The following NF2 variants were observed in gnomAD, a reference collection of about 807,000 sequenced individuals.
The protein encoded by NF2 is merlin.
In NF2, 8 loss-of-function variants were observed where a neutral mutation model predicts 83.7. The ratio of observed to expected loss-of-function variants is 0.10; its 90% confidence interval spans 0.06 to 0.17. NF2 has a LOEUF of 0.17. Among genes scored for constraint, NF2 ranks in the 10% least tolerant of loss-of-function variants. The pLI, the probability that NF2 is intolerant of heterozygous loss-of-function variation, is 1.00. For synonymous variants in NF2, 266 were observed against 269.6 expected (o/e 0.99, Z 0.13); for missense variants, 533 against 744.4 (o/e 0.72, Z 3.31).
chr22:29,654,872 C>A, intron 5 of NF2, 147 bp downstream of exon 5: 1 of 721,920 alleles, frequency 1.4e-6, no homozygotes, highest in South Asian at 1.6e-5. Context: ...AGTGTGGGAT[C>A]TCTGTTAAGA....
rs1060503671 is a variant in NF2 at position 29,604,118 on chromosome 22, C to A, written c.114+6C>A. On this transcript the variant is annotated splice_donor_region_variant and intron_variant, in intron 1 of 15. Transcript: ENST00000338641. ...AGATGGAGTTCAATTGCGAGGTAAC[C>A]GGCCGGCAGCCCCGACTGCTGCGGT... 2 of 1,591,822 alleles carry A rather than the reference C, an allele frequency of 1.3e-6. No homozygotes were observed. The highest frequency in any genetic ancestry group is 8.6e-7 in the Non-Finnish European group (1 of 1,168,290).
intron 1 of NF2, among the ~76,000 whole-genome samples, chr22:29,627,871 G>T (rs1180723248): frequency 6.6e-6 from 1 of 152,064 alleles, no homozygotes; most frequent in East Asian, 1.9e-4. Context: ...AGATTTCCTT[G>T]CCAAGGTATT....
At position 29,697,558 on chromosome 22, in the gene NF2, A is replaced by G. The variant is rs969275660; in HGVS notation, c.*2756A>G. 1 of 176,076 alleles carries G rather than the reference A, an allele frequency of 5.7e-6. No homozygotes were observed. The allele number at this position is 176,076 out of a possible 1,614,324, so 10.9% of individuals were successfully genotyped here. A position where few individuals can be genotyped will look rare whatever the true frequency, so the allele number is the denominator to read the frequency against. ...CAGACTGGTTCCTGTGGCTGGGATG[A>G]CTGCATCCTTTTTTTTTTTTTTTTG... On this transcript the variant is annotated 3_prime_UTR_variant, in exon 16 of 16. Coordinates refer to ENST00000338641, the MANE Select transcript of NF2 (RefSeq NM_000268.4).
At position 29,603,917 on chromosome 22, in the gene NF2, C is replaced by A; in HGVS notation, c.-82C>A. 6 of 1,098,890 alleles carry A rather than the reference C, an allele frequency of 5.5e-6. No individual in the cohort carries two copies. The highest frequency in any genetic ancestry group is 8.0e-6 in the Non-Finnish European group (6 of 750,744). 68.1% of individuals were successfully genotyped at this position (1,098,890 alleles called of 1,614,324 possible). A position where few individuals can be genotyped will look rare whatever the true frequency, so the allele number is the denominator to read the frequency against. On this transcript the variant is annotated 5_prime_UTR_variant, in exon 1 of 16. Transcript: ENST00000338641. ...GCCGGCCACCATGGTGGCCCTGAGG[C>A]CTGTGCAGCAACTCCAGGGGGGCTA...
intron 14 of NF2, among the ~76,000 whole-genome samples, chr22:29,679,438 T>TATGTGGTTGGGAA (rs1205743604): frequency 2.0e-5 from 3 of 152,242 alleles, no homozygotes. Context: ...CATATACATT[T>TATGTGGTTGGGAA]ATGTGGTTGG....
chr22:29,608,047 C>T (rs1388598400), intron 1 of NF2, among the ~76,000 whole-genome samples: 1 of 150,992 alleles, frequency 6.6e-6, no homozygotes, highest in Non-Finnish European at 1.5e-5. Context: ...GTGGCCGGCA[C>T]CTGTAGTCCC....
intron 13 of NF2, among the ~76,000 whole-genome samples, chr22:29,676,121 C>T (rs997189269): frequency 3.3e-5 from 5 of 152,046 alleles, no homozygotes; most frequent in African/African-American, 9.7e-5. Flanking sequence ...GAGCAGTCAA[C>T]TGGGCTGAAC....
intron 1 of NF2, among the ~76,000 whole-genome samples, chr22:29,612,039 A>G (rs1052557162): frequency 6.6e-5 from 10 of 152,014 alleles, no homozygotes; most frequent in African/African-American, 2.4e-4. Flanking sequence ...ACGGAGTCTC[A>G]CTCTGTCGTC....
chr22:29,646,194 T>C (rs577672972), intron 4 of NF2, among the ~76,000 whole-genome samples: 1 of 152,326 alleles, frequency 6.6e-6, no homozygotes, highest in East Asian at 1.9e-4. Flanking sequence ...AATTTAAGGC[T>C]CAGAAAGGGA....
In NF2 at chr22:29,683,577, C is replaced by T. The variant is rs2067202912; in HGVS notation, c.1737+1976C>T. 5 of 1,107,712 alleles carry T rather than the reference C, an allele frequency of 4.5e-6. No individual in the cohort carries two copies. The East Asian group carries it at 2.2e-4, about 48-fold the overall frequency. 68.6% of individuals were successfully genotyped at this position (1,107,712 alleles called of 1,614,324 possible). A position where few individuals can be genotyped will look rare whatever the true frequency, so the allele number is the denominator to read the frequency against. ...TGTGCTGGCTCATTTTCCTTTAGAG[C>T]TTTCCCTTTCTGCACACATCCCTTT... On this transcript the variant is annotated intron_variant, in intron 15 of 15. Coordinates refer to ENST00000338641, the MANE Select transcript of NF2 (RefSeq NM_000268.4).
rs762883753 is a variant in NF2 at position 29,665,010 on chromosome 22, T to G, written c.831T>G (p.Asp277Glu). ...TCCAGTTTACTATTAAACCACTGGA[T>G]AAGAAAATTGATGTCTTCAAGTTTA... ...SDKEFTIKPL[D>E]KKIDVFKFNS... The change falls in exon 9 of 16, where the codon GAT becomes GAG. Residue 277 changes from aspartate (D) to glutamate (E), a missense_variant. This residue lies in a region of NF2 where 326 missense variants were observed against 475.1 expected (regional missense o/e 0.69). Transcript: ENST00000338641. 1.9e-6 allele frequency: 3 copies of G among 1,613,414 alleles called. No individual in the cohort carries two copies. The highest frequency in any genetic ancestry group is 2.5e-6 in the Non-Finnish European group (3 of 1,179,366).
intron 15 of NF2, among the ~76,000 whole-genome samples, chr22:29,685,346 A>T (rs890517067): frequency 4.0e-5 from 6 of 150,320 alleles, no homozygotes; most frequent in African/African-American, 1.5e-4. Flanking sequence ...GAGCTCAACC[A>T]ATCTGCCCGC....
chr22:29,688,908 C>T (rs1261306147), intron 15 of NF2, among the ~76,000 whole-genome samples: 1 of 152,110 alleles, frequency 6.6e-6, no homozygotes, highest in Non-Finnish European at 1.5e-5. Context: ...GGGCCGGACG[C>T]GGTGGCTTAT....
chr22:29,606,599 A>T (rs1024927552), intron 1 of NF2, among the ~76,000 whole-genome samples: 3 of 152,140 alleles, frequency 2.0e-5, no homozygotes, highest in Non-Finnish European at 1.5e-5. Context: ...TTCATGCCTA[A>T]GGGCAATCTG....
In NF2 at chr22:29,677,177, A is replaced by G. The variant is rs79018464; in HGVS notation, c.1447-1019A>G. 5.2e-3 allele frequency among the ~76,000 whole-genome samples: 785 copies of G among 152,336 alleles called. 28 individuals are homozygous for G. In the East Asian group the frequency reaches 0.097, roughly 19 times the overall value. On this transcript the variant is annotated intron_variant, in intron 13 of 15. Coordinates refer to ENST00000338641, the MANE Select transcript of NF2 (RefSeq NM_000268.4). Reference sequence around the variant, plus strand: ...AGAAAGAAGATACAGCCAAAAAGAAATCTTTTACAGGGTGGAATCGCAGAA... The same window carrying G: ...AGAAAGAAGATACAGCCAAAAAGAAGTCTTTTACAGGGTGGAATCGCAGAA...
At chr22:29,623,236 T>A (rs957538114) in intron 1 of NF2, among the ~76,000 whole-genome samples, 3 of 152,148 alleles carry the variant, frequency 2.0e-5, no homozygotes, top group African/African-American at 7.2e-5. Context: ...TGAGCCAACA[T>A]GCCCAGCTAG....
At chr22:29,645,037 G>A (rs1440111167) in intron 4 of NF2, among the ~76,000 whole-genome samples, 1 of 152,156 alleles carries the variant, frequency 6.6e-6, no homozygotes, top group Non-Finnish European at 1.5e-5. Flanking sequence ...AGGTGTTCAT[G>A]AAGCCATTTC....
intron 1 of NF2, among the ~76,000 whole-genome samples, chr22:29,616,388 A>G (rs2146734012): frequency 6.6e-6 from 1 of 152,374 alleles, no homozygotes; most frequent in African/African-American, 2.4e-5. Context: ...ACTGTGTTCC[A>G]AGAAAACTTT....
chr22:29,650,199 T>C (rs2066105498), intron 4 of NF2, among the ~76,000 whole-genome samples: 1 of 152,204 alleles, frequency 6.6e-6, no homozygotes, highest in Non-Finnish European at 1.5e-5. Flanking sequence ...GTACACTTAA[T>C]GTAAATTTTA....
Sources: allele counts gnomAD v4.1 joint callset (sites outside exome capture counted in the v4.1 genomes callset), GRCh38; gene constraint gnomAD v4.1.1; regional missense constraint gnomAD v4.1.1; transcripts MANE v1.5; gene names NCBI Gene and HGNC (gene_info 2026-07-23, HGNC 2026-07-21).